The following DACH2 variants were observed in gnomAD, a reference collection of about 807,000 sequenced individuals.
The protein encoded by DACH2 is dachshund homolog 2.
DACH2 carries 17 observed loss-of-function variants against 35.8 expected under a neutral mutation model. The ratio of observed to expected loss-of-function variants is 0.48; its 90% confidence interval spans 0.33 to 0.71. DACH2 has a LOEUF of 0.71. DACH2 is among the 30% of genes least tolerant of loss of function. The pLI, the probability that DACH2 is intolerant of heterozygous loss-of-function variation, is 0.02. For synonymous variants in DACH2, 195 were observed against 177.3 expected, an observed-to-expected ratio of 1.10 and a Z score of -0.79; for missense variants, 469 against 472.7, an observed-to-expected ratio of 0.99 and a Z score of 0.07.
At chrX:86,656,925 G>A (rs971729068) in intron 4 of DACH2, among the ~76,000 whole-genome samples, 45 of 94,524 alleles carry the variant, frequency 4.8e-4, no homozygotes, top group African/African-American at 1.7e-3. Context: ...AATATAACAA[G>A]ATCCTGTCAT....
intron 1 of DACH2, among the ~76,000 whole-genome samples, chrX:86,152,019 T>A (rs763827715): frequency 8.9e-6 from 1 of 111,795 alleles, no homozygotes; most frequent in Non-Finnish European, 1.9e-5. Context: ...TCAGGACTCA[T>A]GACTTCTTAG....
chrX:86,157,781 GTATT>G (rs2030599427), intron 1 of DACH2, among the ~76,000 whole-genome samples: 1 of 111,000 alleles, frequency 9.0e-6, no homozygotes, highest in Non-Finnish European at 1.9e-5. Context: ...TATTAATTAT[GTATT>G]TATTTTTACG....
intron 3 of DACH2, among the ~76,000 whole-genome samples, chrX:86,548,315 TA>T (rs2039003177): frequency 9.0e-6 from 1 of 111,547 alleles, no homozygotes; most frequent in African/African-American, 3.3e-5. Context: ...CTTGTGATTT[TA>T]AAATGAGGTA....
intron 3 of DACH2, among the ~76,000 whole-genome samples, chrX:86,566,977 T>C (rs2039301282): frequency 1.8e-5 from 2 of 111,885 alleles, no homozygotes; most frequent in Admixed American, 1.9e-4. Flanking sequence ...CTTACATATG[T>C]ATGAACTCCG....
At chrX:86,792,908 T>G (rs1480491024) in intron 7 of DACH2, among the ~76,000 whole-genome samples, 1 of 111,962 alleles carries the variant, frequency 8.9e-6, no homozygotes, top group Non-Finnish European at 1.9e-5. Flanking sequence ...GATTCTTGGA[T>G]CATATGGTAG....
At chrX:86,616,472 A>C (rs2040005514) in intron 3 of DACH2, among the ~76,000 whole-genome samples, 1 of 111,819 alleles carries the variant, frequency 8.9e-6, no homozygotes, top group Non-Finnish European at 1.9e-5. Context: ...TGACTGGTGT[A>C]AGGTTGTATC....
At chrX:86,817,418 C>T (rs750085064) in intron 11 of DACH2, among the ~76,000 whole-genome samples, 1 of 111,128 alleles carries the variant, frequency 9.0e-6, no homozygotes, top group Non-Finnish European at 1.9e-5. Context: ...ATACCAGCTC[C>T]ATGGTAGAGA....
intron 2 of DACH2, among the ~76,000 whole-genome samples, chrX:86,396,244 T>C (rs1211645487): frequency 9.3e-6 from 1 of 107,917 alleles, no homozygotes; most frequent in Non-Finnish European, 1.9e-5. Flanking sequence ...TGTTTGTTTT[T>C]TTCTTGTAAA....
At chrX:86,417,402 G>A (rs200570506) in intron 2 of DACH2, among the ~76,000 whole-genome samples, 2 of 112,146 alleles carry the variant, frequency 1.8e-5, no homozygotes, top group African/African-American at 3.2e-5. Context: ...ACAAAAGAAA[G>A]AGATTTATTA....
In DACH2 at chrX:86,681,495, A is replaced by C. The variant is rs766842396; in HGVS notation, c.773-13526A>C. Among the ~76,000 whole-genome samples the C allele has an allele frequency of 2.4e-3, 265 of 108,261 alleles. 1 individual carries two copies. The highest frequency in any genetic ancestry group is 4.4e-3 in the Non-Finnish European group (231 of 52,324). 94.0% of individuals were successfully genotyped at this position (108,261 alleles called of 115,157 possible). On this transcript the variant is annotated intron_variant, in intron 4 of 11. Transcript: ENST00000373125. ...TTCGGGAGGCTGAGCTGAAAGGATC[A>C]CTTGAGCCCAGGAGTTCAAAGCTCT...
chrX:86,590,314 AG>A (rs1489295226), intron 3 of DACH2, among the ~76,000 whole-genome samples: 1 of 112,243 alleles, frequency 8.9e-6, no homozygotes, highest in East Asian at 2.8e-4. Context: ...AGTCTCTTCT[AG>A]TACCTTTATG....
chrX:86,638,456 CAG>C (rs1422317191), intron 3 of DACH2, among the ~76,000 whole-genome samples: 1 of 111,604 alleles, frequency 9.0e-6, no homozygotes, highest in South Asian at 3.7e-4. Context: ...AAATAATCTA[CAG>C]AGTGAACAGA....
intron 4 of DACH2, among the ~76,000 whole-genome samples, chrX:86,673,802 T>G (rs773053648): frequency 1.8e-4 from 20 of 111,434 alleles, no homozygotes; most frequent in Non-Finnish European, 3.6e-4. Context: ...CTTGCAGTTC[T>G]TATGATAGGG....
chrX:86,549,898 C>T (rs1193028785), intron 3 of DACH2, among the ~76,000 whole-genome samples: 1 of 111,591 alleles, frequency 9.0e-6, no homozygotes, highest in African/African-American at 3.2e-5. Context: ...TCAATCAATA[C>T]TTACATTTAA....
intron 1 of DACH2, among the ~76,000 whole-genome samples, chrX:86,336,135 G>C (rs909863176): frequency 8.9e-6 from 1 of 111,836 alleles, no homozygotes; most frequent in Non-Finnish European, 1.9e-5. Flanking sequence ...TTGATGTGCT[G>C]TTGGATTCGG....
intron 1 of DACH2, among the ~76,000 whole-genome samples, chrX:86,285,382 A>C (rs1279721793): frequency 9.0e-6 from 1 of 111,464 alleles, no homozygotes; most frequent in Non-Finnish European, 1.9e-5. Flanking sequence ...TATTTTTGTT[A>C]TTATTTGTTT....
intron 4 of DACH2, among the ~76,000 whole-genome samples, chrX:86,663,936 A>G (rs185490130): frequency 8.0e-5 from 9 of 111,928 alleles, no homozygotes; most frequent in African/African-American, 2.6e-4. Flanking sequence ...TTGCAAAGAA[A>G]CCTCTATAAA....
intron 3 of DACH2, among the ~76,000 whole-genome samples, chrX:86,565,465 T>C (rs146607600): frequency 6.3e-5 from 7 of 111,380 alleles, no homozygotes; most frequent in Admixed American, 2.9e-4. Context: ...ATCAAAAACA[T>C]TGGCAGCGGG....
At chrX:86,296,695 A>G (rs1342197553) in intron 1 of DACH2, among the ~76,000 whole-genome samples, 1 of 111,479 alleles carries the variant, frequency 9.0e-6, no homozygotes, top group Non-Finnish European at 1.9e-5. Flanking sequence ...ATGTACACAT[A>G]CATATCACTT....
Sources: allele counts gnomAD v4.1 joint callset (sites outside exome capture counted in the v4.1 genomes callset), GRCh38; gene constraint gnomAD v4.1.1; transcripts MANE v1.5; gene names NCBI Gene and HGNC (gene_info 2026-07-23, HGNC 2026-07-21).